The following FBXO3 variants were observed in gnomAD, a reference collection of about 807,000 sequenced individuals.
FBXO3 encodes F-box protein 3.
In FBXO3, 17 loss-of-function variants were observed where a neutral mutation model predicts 64.8. That is an observed-to-expected ratio of 0.26 (90% CI 0.18 to 0.39). The LOEUF is 0.39. Among genes scored for constraint, FBXO3 ranks in the 10% least tolerant of loss-of-function variants. The pLI is 1.00. For synonymous variants in FBXO3, 182 were observed against 201.6 expected (o/e 0.90, Z 0.82); for missense variants, 420 against 589.9 (o/e 0.71, Z 2.98).
intron 6 of FBXO3, chr11:33,753,596 A>T (rs1311155873): frequency 6.6e-6 from 1 of 152,246 alleles, no homozygotes; most frequent in Non-Finnish European, 1.5e-5. Context: ...TAGGACCTAC[A>T]TTTAAAAGCT....
At chr11:33,766,990 AAAAAAAAAAAAG>A (rs1481411023) in intron 3 of FBXO3, among the ~76,000 whole-genome samples, 1 of 80,248 alleles carries the variant, frequency 1.2e-5, no homozygotes, top group Non-Finnish European at 2.6e-5. Flanking sequence ...TCATGCACCA[AAAAAAAAAAAAG>A]AAAAAAAAAA....
chr11:33,774,513 G>GCAGGTCTGGCC lies in FBXO3; in HGVS notation c.-17_-16insGGCCAGACCTG. 6.7e-7 allele frequency: 1 copy of GCAGGTCTGGCC among 1,499,138 alleles called. No homozygotes were observed. Among genetic ancestry groups the GCAGGTCTGGCC allele is most frequent in the Non-Finnish European group, 8.9e-7 (1 of 1,124,692 alleles). The allele number at this position is 1,499,138 out of a possible 1,614,324, so 92.9% of individuals were successfully genotyped here. A position where few individuals can be genotyped will look rare whatever the true frequency, so the allele number is the denominator to read the frequency against. On this transcript the variant is annotated 5_prime_UTR_variant, in exon 1 of 11. Coordinates refer to ENST00000265651, the MANE Select transcript of FBXO3 (RefSeq NM_012175.4). The stretch of plus-strand genomic sequence containing the variant: ...TGGCCGCCATCTTGCCTGGCCCGGT[G>GCAGGTCTGGCC]CAGGTCTGGCCCCGCCCTGGCCCCG...
intron 10 of FBXO3, chr11:33,746,539 T>C (rs1854816369): frequency 3.3e-6 from 2 of 611,124 alleles, no homozygotes; most frequent in East Asian, 2.8e-5. Flanking sequence ...CTCAATTGCA[T>C]TCTGGGTATA....
intron 3 of FBXO3, among the ~76,000 whole-genome samples, chr11:33,762,861 C>T (rs553985162): frequency 6.6e-6 from 1 of 151,898 alleles, no homozygotes; most frequent in East Asian, 1.9e-4. Flanking sequence ...AATTAATTCA[C>T]CCCATCTAGC....
intron 3 of FBXO3, among the ~76,000 whole-genome samples, chr11:33,763,439 G>A (rs1855289526): frequency 6.6e-6 from 1 of 151,996 alleles, no homozygotes; most frequent in African/African-American, 2.4e-5. Context: ...GGAATACAAA[G>A]TTGGTTTAGC....
intron 3 of FBXO3, among the ~76,000 whole-genome samples, chr11:33,760,056 T>C (rs1022687587): frequency 2.0e-5 from 3 of 152,190 alleles, no homozygotes; most frequent in African/African-American, 7.2e-5. Flanking sequence ...GAAAGGTCTA[T>C]GATACGTGCA....
intron 3 of FBXO3, 99 bp from the exon 4 acceptor site, chr11:33,758,700 G>C: frequency 1.4e-6 from 1 of 726,382 alleles, no homozygotes; most frequent in Non-Finnish European, 2.1e-6. Context: ...CTTGGAATGA[G>C]TGAATTCTGT....
chr11:33,767,386 G>A (rs999319177), intron 3 of FBXO3, among the ~76,000 whole-genome samples: 1 of 152,152 alleles, frequency 6.6e-6, no homozygotes, highest in African/African-American at 2.4e-5. Context: ...CGCAAGCTCC[G>A]CTTGCCGGGT....
At chr11:33,767,175 A>G (rs1209637884) in intron 3 of FBXO3, among the ~76,000 whole-genome samples, 1 of 152,178 alleles carries the variant, frequency 6.6e-6, no homozygotes, top group Non-Finnish European at 1.5e-5. Flanking sequence ...GACATTCCAA[A>G]CATAATAGGA....
chr11:33,761,302 G>T (rs1279611909), intron 3 of FBXO3, among the ~76,000 whole-genome samples: 4 of 151,970 alleles, frequency 2.6e-5, no homozygotes, highest in Non-Finnish European at 5.9e-5. Context: ...ATAATCTAAT[G>T]AAAAGACAAA....
In FBXO3 at chr11:33,755,998, C is replaced by T. The variant is rs951968671; in HGVS notation, c.474-23G>A. 13 of 1,594,906 alleles carry T rather than the reference C, an allele frequency of 8.2e-6. No homozygotes were observed. The African/African-American group carries it at 1.3e-4, about 16-fold the overall frequency. Reference sequence around the variant, plus strand: ...AACCTGAGGAGCATACAGACTCAAACATGTAATACACGGCAGTGCCAAAGA... The same window carrying T: ...AACCTGAGGAGCATACAGACTCAAATATGTAATACACGGCAGTGCCAAAGA... On this transcript the variant is annotated intron_variant, in intron 4 of 10. Transcript: ENST00000265651.
intron 3 of FBXO3, among the ~76,000 whole-genome samples, chr11:33,767,254 G>A (rs1448211607): frequency 6.6e-6 from 1 of 151,980 alleles, no homozygotes; most frequent in Non-Finnish European, 1.5e-5. Context: ...CCAAATCCTG[G>A]TTTTGCCTTT....
intron 3 of FBXO3, among the ~76,000 whole-genome samples, chr11:33,764,855 T>G (rs982497112): frequency 5.3e-5 from 8 of 152,118 alleles, no homozygotes; most frequent in African/African-American, 1.9e-4. Flanking sequence ...GTGACTGTAG[T>G]CCCAGCTACT....
rs1388983551 is a variant in FBXO3, at chr11:33,750,636, C to T, written c.835G>A (p.Ala279Thr). The T allele has an allele frequency of 1.2e-6, 2 of 1,613,250 alleles. No homozygotes were observed. Among genetic ancestry groups the T allele is most frequent in the Admixed American group, 3.3e-5 (2 of 59,984 alleles). The change falls in exon 8 of 11, where the codon GCA becomes ACA. Residue 279 changes from alanine to threonine, a missense_variant. Ala to Thr is a moderately conservative substitution (Grantham distance 58). Coordinates refer to ENST00000265651, the MANE Select transcript of FBXO3 (RefSeq NM_012175.4). ...GACACAGTAATATCCCCAGTTGTTG[C>T]TACACATTCTGGATCGTGAACATAT... ...FRYVHDPECV[A>T]TTGDITVSVS...
chr11:33,751,014 C>T (rs1370384247), intron 7 of FBXO3, among the ~76,000 whole-genome samples: 3 of 152,140 alleles, frequency 2.0e-5, no homozygotes. Context: ...TAAATGATGG[C>T]TCTGACAATA....
chr11:33,760,840 G>A lies in FBXO3; in HGVS notation c.359-2239C>T, dbSNP rs542977536. On this transcript the variant is annotated intron_variant, in intron 3 of 10. Transcript: ENST00000265651. ...AATACCAAAAGGAATTCTTCATGTG[G>A]AAGGAAAGTGATCCCAGATGGAAGC... is the stretch of plus-strand genomic sequence containing the variant. Among the ~76,000 whole-genome samples the A allele has an allele frequency of 3.8e-3, 575 of 152,292 alleles. 5 individuals carry two copies. Among genetic ancestry groups the A allele is most frequent in the Non-Finnish European group, 5.6e-3 (383 of 68,014 alleles).
At chr11:33,764,291 C>T (rs1040370790) in intron 3 of FBXO3, among the ~76,000 whole-genome samples, 1 of 152,086 alleles carries the variant, frequency 6.6e-6, no homozygotes, top group Non-Finnish European at 1.5e-5. Flanking sequence ...AAAAAGAAAA[C>T]TACTCAATAG....
intron 3 of FBXO3, among the ~76,000 whole-genome samples, chr11:33,766,687 A>G (rs571199661): frequency 1.5e-4 from 23 of 152,320 alleles, no homozygotes; most frequent in African/African-American, 5.1e-4. Flanking sequence ...TCCAATGCCT[A>G]TCTGCTTTCT....
At chr11:33,754,778 G>A (rs1855050495) in intron 5 of FBXO3, among the ~76,000 whole-genome samples, 2 of 151,400 alleles carry the variant, frequency 1.3e-5, no homozygotes. Context: ...TAAAAAGTAT[G>A]AAAATGCTTT....
Sources: allele counts gnomAD v4.1 joint callset (sites outside exome capture counted in the v4.1 genomes callset), GRCh38; gene constraint gnomAD v4.1.1; transcripts MANE v1.5; gene names NCBI Gene and HGNC (gene_info 2026-07-23, HGNC 2026-07-21).